The following SF3B4 variants were observed in gnomAD, a reference collection of about 807,000 sequenced individuals.
SF3B4 encodes SAP 49.
SF3B4 carries 3 observed loss-of-function variants against 34.3 expected under a neutral mutation model. That is an observed-to-expected ratio of 0.09 (90% CI 0.04 to 0.23). The LOEUF (loss-of-function observed/expected upper bound fraction) is 0.23, where lower values mean the gene tolerates loss of function less well. Among genes scored for constraint, SF3B4 ranks in the 10% least tolerant of loss-of-function variants. SF3B4 has a pLI of 1.00. For synonymous variants in SF3B4, 216 were observed against 207.8 expected (o/e 1.04, Z -0.34); for missense variants, 283 against 567.2 (o/e 0.50, Z 5.09).
In SF3B4 at chr1:149,926,939, AG is replaced by A; in HGVS notation, c.164-22del. ...ATAGCCTGGAAAAGTGGAGAAGAGG[AG>A]GTTAACAACGTAAGTAAAGAGACTG... On this transcript the variant is annotated intron_variant, in intron 2 of 5. Coordinates refer to ENST00000271628, the MANE Select transcript of SF3B4 (RefSeq NM_005850.5). The surrounding 1 kb of genome is among the most constrained non-coding windows in gnomAD (Gnocchi z 6.2). 6.3e-7 allele frequency: 1 copy of A among 1,579,188 alleles called. No individual in the cohort carries two copies. The highest frequency in any genetic ancestry group is 8.6e-7 in the Non-Finnish European group (1 of 1,164,226).
intron 4 of SF3B4, chr1:149,925,553 T>G: frequency 2.6e-6 from 1 of 384,890 alleles, no homozygotes; most frequent in Non-Finnish European, 4.8e-6. Context: ...CCCCGAGATT[T>G]GGCAATTAGG....
chr1:149,927,019 A>G, intron 2 of SF3B4, 101 bp from the exon 3 acceptor site: 1 of 1,446,744 alleles, frequency 6.9e-7, no homozygotes, highest in South Asian at 1.4e-5. Context: ...GAAAGAAACA[A>G]CATCACTTTA....
chr1:149,927,442 C>A (rs1160866456), intron 1 of SF3B4, 148 bp from the exon 2 acceptor site: 3 of 903,036 alleles, frequency 3.3e-6, no homozygotes, highest in Non-Finnish European at 1.7e-6. Context: ...CCTTAAACTT[C>A]TCTCTTCCCA....
chr1:149,925,759 C>T, intron 4 of SF3B4, 77 bp downstream of exon 4: 1 of 1,099,428 alleles, frequency 9.1e-7, no homozygotes, highest in South Asian at 1.3e-5. Context: ...TGTTGAGGAA[C>T]AAAGGGCAGC....
chr1:149,923,456 G>GC lies in SF3B4; in HGVS notation c.*85dup. 9.4e-7 allele frequency: 1 copy of GC among 1,061,992 alleles called. No individual in the cohort carries two copies. Among genetic ancestry groups the GC allele is most frequent in the South Asian group, 1.7e-5 (1 of 59,512 alleles). The allele number at this position is 1,061,992 out of a possible 1,614,324, so 65.8% of individuals were successfully genotyped here. ...GGTGCTGAAAGGGATTAGTACCTTT[G>GC]CCCCAAGGAGCTACAGCATCTCTGA... On this transcript the variant is annotated 3_prime_UTR_variant, in exon 6 of 6. Transcript: ENST00000271628.
intron 2 of SF3B4, 118 bp from the exon 3 acceptor site, chr1:149,927,036 A>G: frequency 1.4e-6 from 2 of 1,463,506 alleles, no homozygotes; most frequent in Non-Finnish European, 1.8e-6. Context: ...TTTACTTAAG[A>G]ATGGTTCCAG....
In SF3B4 at chr1:149,926,172, A is replaced by C. The variant is rs587661900; in HGVS notation, c.707-130T>G. The C allele has an allele frequency of 2.4e-5, 17 of 698,742 alleles. No homozygotes were observed. The Admixed American group carries it at 5.4e-4, about 22-fold the overall frequency. The allele number at this position is 698,742 out of a possible 1,614,324, so 43.3% of individuals were successfully genotyped here. On this transcript the variant is annotated intron_variant, in intron 3 of 5. Coordinates refer to ENST00000271628, the MANE Select transcript of SF3B4 (RefSeq NM_005850.5). This position sits in a 1 kb window ranked among gnomAD's most constrained non-coding sequence, Gnocchi z 6.2. ...CCTCCTCCCAGTGCTCTAAAATCAA[A>C]AGCAATGTTAGAAAAGTCAACCAAC... is the stretch of plus-strand genomic sequence containing the variant.
chr1:149,926,614 A>G lies in SF3B4; in HGVS notation c.468T>C (p.Asp156=). 1 of 1,614,232 alleles carries G rather than the reference A, an allele frequency of 6.2e-7. No individual in the cohort carries two copies. The highest frequency in any genetic ancestry group is 8.5e-7 in the Non-Finnish European group (1 of 1,180,036). Residue 156 remains aspartate, a synonymous_variant, in exon 3 of 6, where the codon GAT becomes GAC. Coordinates refer to ENST00000271628, the MANE Select transcript of SF3B4 (RefSeq NM_005850.5). The surrounding 1 kb of genome is among the most constrained non-coding windows in gnomAD (Gnocchi z 6.2). ...GCCCATTCATGGCTTCAATTGCTGC[A>G]TCCGAAGCATCAAATGAAGCAAAAT... The part of the protein sequence containing the change: ...FINFASFDAS[D]AAIEAMNGQY...
chr1:149,927,649 C>A lies in SF3B4; in HGVS notation c.34+77G>T, dbSNP rs587761266. 4 of 1,521,278 alleles carry A rather than the reference C, an allele frequency of 2.6e-6. No individual in the cohort carries two copies. In the Admixed American group the frequency reaches 7.8e-5, roughly 30 times the overall value. 94.2% of individuals were successfully genotyped at this position (1,521,278 alleles called of 1,614,324 possible). On this transcript the variant is annotated intron_variant, in intron 1 of 5. Transcript: ENST00000271628. ...AAGGGAGGAGTCCAGTCTCCCACCC[C>A]TGCAGAGACACTGCTGGCTGTAGTC...
chr1:149,925,385 G>C (rs762603630), intron 4 of SF3B4, among the ~76,000 whole-genome samples: 3 of 152,126 alleles, frequency 2.0e-5, no homozygotes, highest in Non-Finnish European at 4.4e-5. Context: ...CTAGGCACAA[G>C]TAGACATGAG....
intron 5 of SF3B4, 21 bp downstream of exon 5, chr1:149,923,820 A>G: frequency 1.3e-6 from 2 of 1,569,526 alleles, no homozygotes; most frequent in Non-Finnish European, 8.6e-7. Flanking sequence ...CAGATGAGGG[A>G]GGTGGCTAGA....
At chr1:149,927,432 C>A (rs1553766205) in intron 1 of SF3B4, 138 bp from the exon 2 acceptor site, 1 of 961,126 alleles carries the variant, frequency 1.0e-6, no homozygotes, top group Non-Finnish European at 1.5e-6. Flanking sequence ...AAGTTTAAAC[C>A]CTTAAACTTC....
Position 149,923,571 on chromosome 1 carries a change from C to T in SF3B4, c.1246G>A (p.Gly416Ser). Reference sequence around the variant, plus strand: ...TGAGGGAGAGGGCCTCGAAGTGGGCCTCGAGGGGGAACTGGTGGCCGGGGA... The same window carrying T: ...TGAGGGAGAGGGCCTCGAAGTGGGCTTCGAGGGGGAACTGGTGGCCGGGGA... ...PTPRPPVPPR[G>S]PLRGPLPQ is the part of the protein sequence containing the mutation. Residue 416 changes from glycine to serine, a missense_variant, in exon 6 of 6, where the codon GGC becomes AGC. Coordinates refer to ENST00000271628, the MANE Select transcript of SF3B4 (RefSeq NM_005850.5). 6.4e-7 allele frequency: 1 copy of T among 1,559,688 alleles called. No homozygotes were observed. Among genetic ancestry groups the T allele is most frequent in the Non-Finnish European group, 8.6e-7 (1 of 1,163,050 alleles).
At chr1:149,925,209 T>C (rs2092582122) in intron 4 of SF3B4, among the ~76,000 whole-genome samples, 2 of 151,242 alleles carry the variant, frequency 1.3e-5, no homozygotes, top group Non-Finnish European at 2.9e-5. Flanking sequence ...AGAAGAAGAA[T>C]GGATTTGAAG....
chr1:149,925,813 C>A, intron 4 of SF3B4, 23 bp downstream of exon 4: 1 of 1,599,348 alleles, frequency 6.3e-7, no homozygotes, highest in Non-Finnish European at 8.6e-7. Context: ...TCTTCCCTCC[C>A]TTTCCCAACA....
In SF3B4 at chr1:149,923,845, G is replaced by A. The variant is rs1553765641; in HGVS notation, c.1083C>T (p.Pro361=). 2 of 1,595,146 alleles carry A rather than the reference G, an allele frequency of 1.3e-6. No individual in the cohort carries two copies. The highest frequency in any genetic ancestry group is 1.4e-5 in the African/African-American group (1 of 73,530). The part of the protein sequence containing the change: ...MPPRGPPFGS[P]MGHPGPMPPH... ...AGGTGGCTAGAGCCGACTTACCCAT[G>A]GGAGATCCGAATGGAGGCCCTCGGG... Residue 361 remains proline, a synonymous_variant, in exon 5 of 6, where the codon CCC becomes CCT. Coordinates refer to ENST00000271628, the MANE Select transcript of SF3B4 (RefSeq NM_005850.5).
In SF3B4 at chr1:149,926,710, C is replaced by A. The variant is rs1553766070; in HGVS notation, c.372G>T (p.Gly124=). ...KLLYDTFSAF[G]VILQTPKIMR... Reference sequence around the variant, plus strand: ...TAATTTTGGGGGTTTGTAAGATGACCCCAAAGGCGCTGAAAGTATCATAAA... The same window carrying A: ...TAATTTTGGGGGTTTGTAAGATGACACCAAAGGCGCTGAAAGTATCATAAA... The change falls in exon 3 of 6, where the codon GGG becomes GGT. Residue 124 remains glycine, a synonymous_variant. Coordinates refer to ENST00000271628, the MANE Select transcript of SF3B4 (RefSeq NM_005850.5). This position sits in a 1 kb window ranked among gnomAD's most constrained non-coding sequence, Gnocchi z 6.2. The A allele has an allele frequency of 5.6e-6, 9 of 1,613,926 alleles. No individual in the cohort carries two copies. Among genetic ancestry groups the A allele is most frequent in the Non-Finnish European group, 7.6e-6 (9 of 1,180,008 alleles).
chr1:149,923,344 C>T lies in SF3B4; in HGVS notation c.*198G>A. The T allele has an allele frequency of 2.0e-6, 1 of 511,960 alleles. No homozygotes were observed. The allele number at this position is 511,960 out of a possible 1,614,324, so 31.7% of individuals were successfully genotyped here. A position where few individuals can be genotyped will look rare whatever the true frequency, so the allele number is the denominator to read the frequency against. On this transcript the variant is annotated 3_prime_UTR_variant, in exon 6 of 6. Coordinates refer to ENST00000271628, the MANE Select transcript of SF3B4 (RefSeq NM_005850.5). ...AACAAGGAGTTTAGTTTTATTTTCT[C>T]TGTGCATTTGCAAAATACTCAGGAC...
Position 149,926,581 on chromosome 1 carries a change from G to C in SF3B4, c.501C>G (p.Leu167=). Residue 167 remains leucine, a synonymous_variant, in exon 3 of 6, where the codon CTC becomes CTG. Transcript: ENST00000271628. The surrounding 1 kb of genome is among the most constrained non-coding windows in gnomAD (Gnocchi z 6.2). ...AAIEAMNGQY[L]CNRPITVSYA... ...AAGATACGGTGATAGGACGGTTACA[G>C]AGGTACTGCCCATTCATGGCTTCAA... The C allele has an allele frequency of 6.2e-7, 1 of 1,614,240 alleles. No individual in the cohort carries two copies. Among genetic ancestry groups the C allele is most frequent in the African/African-American group, 1.3e-5 (1 of 75,064 alleles).
Sources: gnomAD v4.1 joint callset for allele counts (sites outside exome capture counted in the v4.1 genomes callset) on GRCh38, gnomAD v4.1.1 for gene constraint, Gnocchi (gnomAD v3.1) non-coding constraint, MANE v1.5 for transcripts, NCBI Gene and HGNC (gene_info 2026-07-23, HGNC 2026-07-21) for gene names.